Variants in UNC119B observed in about 807,000 individuals in gnomAD.
UNC119B encodes the protein unc-119 lipid binding chaperone B.
In UNC119B, 16 loss-of-function variants were observed where a neutral mutation model predicts 23.4. The ratio of observed to expected loss-of-function variants is 0.68; its 90% confidence interval spans 0.46 to 1.04. The LOEUF (loss-of-function observed/expected upper bound fraction) is 1.04. Among genes scored for constraint, UNC119B ranks in the 50% least tolerant of loss-of-function variants. The pLI, the probability that UNC119B is intolerant of heterozygous loss-of-function variation, is 0.00. For synonymous variants in UNC119B, 144 were observed against 145.4 expected (o/e 0.99, Z 0.07); for missense variants, 350 against 361.3 (o/e 0.97, Z 0.25).
chr12:120,712,694 C>T (rs778606242), intron 1 of UNC119B, among the ~76,000 whole-genome samples: 2 of 152,180 alleles, frequency 1.3e-5, no homozygotes, highest in Non-Finnish European at 2.9e-5. Flanking sequence ...TCCATAAATA[C>T]AGTTTTACTG....
intron 4 of UNC119B, 93 bp downstream of exon 4, chr12:120,717,135 C>T: frequency 7.7e-7 from 1 of 1,303,422 alleles, no homozygotes; most frequent in South Asian, 1.6e-5. Context: ...CTGGCATTGT[C>T]TCGTGGCAGT....
chr12:120,722,542 T>TG lies in UNC119B; in HGVS notation c.*2511dup, dbSNP rs1449645614. On this transcript the variant is annotated 3_prime_UTR_variant, in exon 5 of 5. Coordinates refer to ENST00000344651, the MANE Select transcript of UNC119B (RefSeq NM_001080533.3). ...CTGTTGATAGCAGTTACCTTGTGGGTGATACAATGGGAGGCGGCAAAAAAA... is the reference window on the plus strand; with the variant it reads ...CTGTTGATAGCAGTTACCTTGTGGGTGGATACAATGGGAGGCGGCAAAAAAA... The TG allele has an allele frequency of 4.6e-5, 7 of 152,238 alleles. No homozygotes were observed. Among genetic ancestry groups the TG allele is most frequent in the Non-Finnish European group, 1.0e-4 (7 of 68,066 alleles). 9.4% of individuals were successfully genotyped at this position (152,238 alleles called of 1,614,324 possible). A position where few individuals can be genotyped will look rare whatever the true frequency, so the allele number is the denominator to read the frequency against.
intron 4 of UNC119B, among the ~76,000 whole-genome samples, chr12:120,719,368 C>T (rs906136582): frequency 1.3e-5 from 2 of 152,214 alleles, no homozygotes; most frequent in African/African-American, 4.8e-5. Context: ...ATTGCTGAAT[C>T]ATTTGCGAGT....
intron 2 of UNC119B, among the ~76,000 whole-genome samples, chr12:120,715,964 A>G (rs1882772332): frequency 6.6e-6 from 1 of 152,220 alleles, no homozygotes; most frequent in African/African-American, 2.4e-5. Context: ...TAGGCCTGGT[A>G]TGGCCTAGAA....
chr12:120,719,915 T>C lies in UNC119B; in HGVS notation c.644-5T>C. 6.2e-7 allele frequency: 1 copy of C among 1,609,320 alleles called. No homozygotes were observed. Among genetic ancestry groups the C allele is most frequent in the Non-Finnish European group, 8.5e-7 (1 of 1,175,610 alleles). On this transcript the variant is annotated splice_polypyrimidine_tract_variant and splice_region_variant and intron_variant, in intron 4 of 4. Transcript: ENST00000344651. ...TTTTTTCTTCCCCCTTTGCCTGACT[T>C]GCAGTTCGTCTAATGATTGAAAATC...
At position 120,710,732 on chromosome 12, in the gene UNC119B, G is replaced by A. The variant is rs745594390; in HGVS notation, c.244+14G>A. On this transcript the variant is annotated intron_variant, in intron 1 of 4. Transcript: ENST00000344651. ...GGGTCACCGAGAGTGAGTGCCGCGC[G>A]GGCCGCGCCCTCCCCTCGCGCCGTG... 1.3e-5 allele frequency: 18 copies of A among 1,349,992 alleles called. No homozygotes were observed. In the East Asian group the frequency reaches 4.7e-4, roughly 35 times the overall value. 83.6% of individuals were successfully genotyped at this position (1,349,992 alleles called of 1,614,324 possible). A position where few individuals can be genotyped will look rare whatever the true frequency, so the allele number is the denominator to read the frequency against.
rs1446908597 is a variant in UNC119B, at chr12:120,720,315, A to G, written c.*283A>G. ...TCCTGGAATCCAGATAAAAAAGTTT[A>G]TTTTCCGTAGTTCTGGCTGCCTGTT... On this transcript the variant is annotated 3_prime_UTR_variant, in exon 5 of 5. Transcript: ENST00000344651. The G allele has an allele frequency of 3.2e-6, 1 of 314,660 alleles. No individual in the cohort carries two copies. The highest frequency in any genetic ancestry group is 5.8e-6 in the Non-Finnish European group (1 of 171,586). 19.5% of individuals were successfully genotyped at this position (314,660 alleles called of 1,614,324 possible). A position where few individuals can be genotyped will look rare whatever the true frequency, so the allele number is the denominator to read the frequency against.
At chr12:120,718,653 G>A (rs1345104594) in intron 4 of UNC119B, among the ~76,000 whole-genome samples, 1 of 152,168 alleles carries the variant, frequency 6.6e-6, no homozygotes, top group Non-Finnish European at 1.5e-5. Flanking sequence ...CTGCAACTTT[G>A]GCCTAGCCAC....
intron 1 of UNC119B, among the ~76,000 whole-genome samples, chr12:120,712,027 A>G (rs1882682105): frequency 6.6e-6 from 1 of 152,210 alleles, no homozygotes; most frequent in African/African-American, 2.4e-5. Flanking sequence ...CTGAAAGTAC[A>G]GATGCTCAGC....
chr12:120,718,029 C>T (rs958094773), intron 4 of UNC119B, among the ~76,000 whole-genome samples: 6 of 152,062 alleles, frequency 3.9e-5, no homozygotes, highest in East Asian at 1.9e-4. Flanking sequence ...CCACCATGCC[C>T]GGCTAATTTT....
chr12:120,715,705 G>A (rs923830689), intron 2 of UNC119B, among the ~76,000 whole-genome samples: 1 of 151,918 alleles, frequency 6.6e-6, no homozygotes, highest in Non-Finnish European at 1.5e-5. Flanking sequence ...GGCTAATTTT[G>A]TATTTTTAGT....
At position 120,720,476 on chromosome 12, in the gene UNC119B, C is replaced by T. The variant is rs1179110558; in HGVS notation, c.*444C>T. ...AGGCCTCTTCCAGGTAGCTCCTCCT[C>T]TCACCTCCGGCATTGCCATCAGCGC... On this transcript the variant is annotated 3_prime_UTR_variant, in exon 5 of 5. Coordinates refer to ENST00000344651, the MANE Select transcript of UNC119B (RefSeq NM_001080533.3). 6.3e-6 allele frequency: 1 copy of T among 157,600 alleles called. No individual in the cohort carries two copies. The highest frequency in any genetic ancestry group is 1.4e-5 in the Non-Finnish European group (1 of 71,756). The allele number at this position is 157,600 out of a possible 1,614,324, so 9.8% of individuals were successfully genotyped here.
At chr12:120,710,814 G>A (rs1882647441) in intron 1 of UNC119B, 96 bp downstream of exon 1, 1 of 1,176,588 alleles carries the variant, frequency 8.5e-7, no homozygotes, top group African/African-American at 1.6e-5. Context: ...GGGGGTCCCC[G>A]CCAGACCCCC....
At chr12:120,713,175 G>A in intron 1 of UNC119B, 99 bp from the exon 2 acceptor site, 6 of 978,876 alleles carry the variant, frequency 6.1e-6, no homozygotes, top group Non-Finnish European at 7.6e-6. Flanking sequence ...AGTGTGTTGT[G>A]TAAGAAAAAA....
intron 2 of UNC119B, among the ~76,000 whole-genome samples, chr12:120,714,310 G>C (rs1057031648): frequency 1.3e-5 from 2 of 151,266 alleles, no homozygotes; most frequent in Admixed American, 6.6e-5. Flanking sequence ...TTGTTGTTTT[G>C]TGGGTTTTTT....
At chr12:120,713,416 G>T in intron 2 of UNC119B, 29 bp downstream of exon 2, 2 of 1,545,856 alleles carry the variant, frequency 1.3e-6, no homozygotes, top group Non-Finnish European at 1.8e-6. Flanking sequence ...GTGACCACTA[G>T]ACAGTTTTGA....
chr12:120,721,981 C>T lies in UNC119B; in HGVS notation c.*1949C>T, dbSNP rs1211421266. The T allele has an allele frequency of 2.6e-5, 4 of 152,804 alleles. No individual in the cohort carries two copies. In the East Asian group the frequency reaches 5.8e-4, roughly 22 times the overall value. 9.5% of individuals were successfully genotyped at this position (152,804 alleles called of 1,614,324 possible). ...GTCAAGCGTAACAACAATCCCTTCT[C>T]TCTTTGACAGAGGCCCAGGTGGGAC... On this transcript the variant is annotated 3_prime_UTR_variant, in exon 5 of 5. Coordinates refer to ENST00000344651, the MANE Select transcript of UNC119B (RefSeq NM_001080533.3).
chr12:120,713,392 G>C lies in UNC119B; in HGVS notation c.358+5G>C, dbSNP rs1369301528. 4 of 1,607,334 alleles carry C rather than the reference G, an allele frequency of 2.5e-6. No individual in the cohort carries two copies. Among genetic ancestry groups the C allele is most frequent in the Non-Finnish European group, 3.4e-6 (4 of 1,174,650 alleles). ...TTGCCAAACCTTGCGTTTCAGGTAG[G>C]CCTCTACGTTGTGGTGACCACTAGA... On this transcript the variant is annotated splice_donor_5th_base_variant and intron_variant, in intron 2 of 4. Transcript: ENST00000344651.
chr12:120,719,224 C>T (rs1882841070), intron 4 of UNC119B, among the ~76,000 whole-genome samples: 1 of 152,150 alleles, frequency 6.6e-6, no homozygotes, highest in African/African-American at 2.4e-5. Context: ...CTCAAAATGG[C>T]ATGTAATCAT....
Sources: gnomAD v4.1 joint callset for allele counts (sites outside exome capture counted in the v4.1 genomes callset) on GRCh38, gnomAD v4.1.1 for gene constraint, MANE v1.5 for transcripts, NCBI Gene and HGNC (gene_info 2026-07-23, HGNC 2026-07-21) for gene names.